Variants in ATP11C observed in about 807,000 individuals in gnomAD.
The protein encoded by ATP11C is phospholipid-transporting ATPase IG.
In ATP11C, 36 loss-of-function variants were observed where a neutral mutation model predicts 97.4. The observed-to-expected ratio is 0.37, with a 90% CI of 0.28 to 0.49. The LOEUF (loss-of-function observed/expected upper bound fraction) is 0.49. ATP11C is among the 20% of genes least tolerant of loss of function. The pLI is 0.98. For missense variants in ATP11C, 730 were observed against 824.6 expected, an observed-to-expected ratio of 0.89 and a Z score of 1.40; for synonymous variants, 275 against 290.9, an observed-to-expected ratio of 0.95 and a Z score of 0.56.
intron 1 of ATP11C, among the ~76,000 whole-genome samples, chrX:139,845,564 T>C (rs1045274797): frequency 2.7e-5 from 3 of 111,830 alleles, no homozygotes; most frequent in African/African-American, 9.7e-5. Context: ...TCATACTAAG[T>C]ATAAACTACA....
At chrX:139,911,288 A>C (rs2085070161) in intron 1 of ATP11C, among the ~76,000 whole-genome samples, 1 of 112,005 alleles carries the variant, frequency 8.9e-6, no homozygotes, top group African/African-American at 3.2e-5. Flanking sequence ...AGTATGAGAA[A>C]GATAACCCAA....
intron 18 of ATP11C, among the ~76,000 whole-genome samples, chrX:139,781,122 G>A (rs1334052341): frequency 5.4e-5 from 6 of 111,483 alleles, no homozygotes; most frequent in Non-Finnish European, 1.1e-4. Flanking sequence ...CATCCTGAAT[G>A]TGAATTTAAT....
chrX:139,879,061 G>A (rs942912598), intron 1 of ATP11C, among the ~76,000 whole-genome samples: 4 of 111,257 alleles, frequency 3.6e-5, no homozygotes, highest in African/African-American at 6.5e-5. Context: ...AGTGAGCCAC[G>A]ATAGTACCAC....
rs764196315 is a variant in ATP11C, at chrX:139,850,640, G to C, written c.28-23817C>G. 7.2e-5 allele frequency among the ~76,000 whole-genome samples: 8 copies of C among 111,581 alleles called. No individual in the cohort carries two copies. The East Asian group carries it at 2.3e-3, about 32-fold the overall frequency. On this transcript the variant is annotated intron_variant, in intron 1 of 29. Transcript: ENST00000682941. Reference sequence around the variant, plus strand: ...AAAAAGAGGTACAACAGGGGCCGGGGGCAGTGGCTCACACTTGTAATCCCA... The same window carrying C: ...AAAAAGAGGTACAACAGGGGCCGGGCGCAGTGGCTCACACTTGTAATCCCA...
At position 139,767,633 on chromosome X, in the gene ATP11C, AATGGGAGTC is replaced by A. The variant is rs778735631; in HGVS notation, c.2391+618_2391+626del. 3.3e-4 allele frequency among the ~76,000 whole-genome samples: 37 copies of A among 111,830 alleles called. 1 individual carries two copies. In the Admixed American group the frequency reaches 3.3e-3, roughly 10 times the overall value. Reference sequence around the variant, plus strand: ...AAAAAGTCAGGGGCACACATTTATCAATGGGAGTCAGAGAAATAGACTTGCTTATCCAGA... The same window carrying A: ...AAAAAGTCAGGGGCACACATTTATCAAGAGAAATAGACTTGCTTATCCAGA... On this transcript the variant is annotated intron_variant, in intron 20 of 29. Coordinates refer to ENST00000682941, the MANE Select transcript of ATP11C (RefSeq NM_001353812.2).
chrX:139,818,206 T>C (rs970037119), intron 3 of ATP11C, among the ~76,000 whole-genome samples: 1 of 112,119 alleles, frequency 8.9e-6, no homozygotes, highest in Non-Finnish European at 1.9e-5. Context: ...TTACACTGTA[T>C]ACCCAAAGCA....
intron 5 of ATP11C, among the ~76,000 whole-genome samples, chrX:139,807,212 G>C (rs1345727485): frequency 1.8e-5 from 2 of 111,142 alleles, no homozygotes; most frequent in East Asian, 5.7e-4. Context: ...GGGGCGGGGA[G>C]GGGCAACCTC....
chrX:139,912,662 T>G (rs777639575), intron 1 of ATP11C, among the ~76,000 whole-genome samples: 1 of 111,492 alleles, frequency 9.0e-6, no homozygotes, highest in Non-Finnish European at 1.9e-5. Context: ...TTAATGCACA[T>G]TGAATTTCAT....
upstream of ATP11C, among the ~76,000 whole-genome samples, chrX:139,936,535 G>A (rs1348564747): frequency 2.7e-5 from 3 of 111,808 alleles, no homozygotes; most frequent in African/African-American, 9.8e-5. Context: ...CCCACAGGTA[G>A]GAATTCAGAG....
intron 1 of ATP11C, among the ~76,000 whole-genome samples, chrX:139,844,677 AT>A (rs976717718): frequency 3.6e-5 from 4 of 111,774 alleles, no homozygotes; most frequent in African/African-American, 1.3e-4. Context: ...GGGCCTGTGT[AT>A]TTGTGAGATC....
chrX:139,814,958 C>T lies in ATP11C; in HGVS notation c.346G>A (p.Ala116Thr). The T allele has an allele frequency of 8.6e-7, 1 of 1,159,038 alleles. No homozygotes were observed. Among genetic ancestry groups the T allele is most frequent in the East Asian group, 3.1e-5 (1 of 32,571 alleles). ...GTGCTTTTGTTGACTTCATTGTCAGCTCTGTGTCTCAGACAATCCTCATAT... is the reference window on the plus strand; with the variant it reads ...GTGCTTTTGTTGACTTCATTGTCAGTTCTGTGTCTCAGACAATCCTCATAT... ...QGYEDCLRHRADNEVNKSTVY... is the reference protein window; with the variant it reads ...QGYEDCLRHRTDNEVNKSTVY... Residue 116 changes from alanine (A) to threonine (T), a missense_variant, in exon 5 of 30, where the codon GCT (alanine) becomes ACT (threonine). Transcript: ENST00000682941.
chrX:139,744,616 A>G (rs1378737172), intron 25 of ATP11C, among the ~76,000 whole-genome samples: 2 of 112,001 alleles, frequency 1.8e-5, no homozygotes, highest in Non-Finnish European at 3.8e-5. Context: ...AAGCTGCACA[A>G]TCAGTTATAA....
At chrX:139,815,044 A>C (rs2147838890) in intron 4 of ATP11C, 59 bp from the exon 5 acceptor site, 1 of 673,990 alleles carries the variant, frequency 1.5e-6, no homozygotes, top group Middle Eastern at 4.7e-4. Context: ...GCTGTTAATA[A>C]ATTTCTATAT....
At chrX:139,913,566 T>C (rs924388232) in intron 1 of ATP11C, among the ~76,000 whole-genome samples, 4 of 111,502 alleles carry the variant, frequency 3.6e-5, no homozygotes, top group Non-Finnish European at 7.5e-5. Context: ...GTTCCTGCCT[T>C]AACTGATGAC....
At chrX:139,769,326 A>ATATATATATATATT (rs2082208344) in intron 19 of ATP11C, among the ~76,000 whole-genome samples, 1 of 67,015 alleles carries the variant, frequency 1.5e-5, no homozygotes, top group African/African-American at 5.6e-5. Flanking sequence ...ATATATATAT[A>ATATATATATATATT]TTCTTTAAAT....
At chrX:139,908,691 AG>A (rs756626969) in intron 1 of ATP11C, among the ~76,000 whole-genome samples, 68 of 112,435 alleles carry the variant, frequency 6.0e-4, no homozygotes, top group Non-Finnish European at 1.1e-3. Flanking sequence ...CAATAACATA[AG>A]TTTCTATTTA....
chrX:139,790,003 C>T (rs145965143), intron 12 of ATP11C, among the ~76,000 whole-genome samples: 1,496 of 108,998 alleles, frequency 0.014, 15 homozygotes, highest in Non-Finnish European at 0.023. Context: ...ATACTCCAAC[C>T]TGGGTGATAG....
intron 19 of ATP11C, among the ~76,000 whole-genome samples, chrX:139,772,089 G>A (rs1054273105): frequency 5.4e-5 from 6 of 112,000 alleles, no homozygotes; most frequent in South Asian, 3.8e-4. Flanking sequence ...CAGCGTCCCC[G>A]TGCTGTGTGT....
intron 1 of ATP11C, among the ~76,000 whole-genome samples, chrX:139,906,226 C>G (rs1012419973): frequency 9.3e-6 from 1 of 107,568 alleles, no homozygotes; most frequent in East Asian, 2.9e-4. Context: ...GAGTTCAAGA[C>G]CAACCTGTAG....
Sources: gnomAD v4.1 joint callset for allele counts (sites outside exome capture counted in the v4.1 genomes callset) on GRCh38, gnomAD v4.1.1 for gene constraint, MANE v1.5 for transcripts, NCBI Gene and HGNC (gene_info 2026-07-23, HGNC 2026-07-21) for gene names.